SHISA5: variants seen among roughly 807,000 people sequenced by gnomAD.
SHISA5 encodes the protein protein shisa-5.
A neutral mutation model predicts 27.5 loss-of-function variants in SHISA5; 21 were observed. The observed-to-expected ratio is 0.76, with a 90% CI of 0.54 to 1.10. The LOEUF (loss-of-function observed/expected upper bound fraction) is 1.10. Ranked by LOEUF, SHISA5 falls within the 50% of genes least tolerant of loss-of-function variation. The pLI is 0.00. For synonymous variants in SHISA5, 137 were observed against 142.2 expected (o/e 0.96, Z 0.26); for missense variants, 314 against 336.3 (o/e 0.93, Z 0.52).
intron 3 of SHISA5, among the ~76,000 whole-genome samples, chr3:48,476,537 A>C (rs1235450761): frequency 1.3e-5 from 2 of 152,110 alleles, no homozygotes; most frequent in Non-Finnish European, 2.9e-5. Context: ...GGCCCTCAAC[A>C]TGGAGCCAAC....
At chr3:48,482,365 A>C (rs914006957) in intron 2 of SHISA5, among the ~76,000 whole-genome samples, 1 of 152,028 alleles carries the variant, frequency 6.6e-6, no homozygotes, top group Non-Finnish European at 1.5e-5. Flanking sequence ...TGATCACGCC[A>C]CTGCACTCCA....
rs899610423 is a variant in SHISA5 at position 48,470,548 on chromosome 3, C to G, written c.315-705G>C. ...TTCCACAGGTGAGAGGGCCAAGAGC[C>G]AAGGGGAGGACACAGAGGCCTGGAG... On this transcript the variant is annotated intron_variant, in intron 3 of 5. Transcript: ENST00000296444. The surrounding 1 kb of genome is among the most constrained non-coding windows in gnomAD (Gnocchi z 4.3). Among the ~76,000 whole-genome samples the G allele has an allele frequency of 3.9e-5, 6 of 152,320 alleles. No individual in the cohort carries two copies. Among genetic ancestry groups the G allele is most frequent in the Admixed American group, 3.3e-4 (5 of 15,306 alleles).
intron 2 of SHISA5, among the ~76,000 whole-genome samples, chr3:48,492,901 C>T (rs1170793930): frequency 6.8e-6 from 1 of 147,354 alleles, no homozygotes; most frequent in East Asian, 1.9e-4. Context: ...AGGAAGAAGG[C>T]CCTCACCAGG....
chr3:48,477,060 C>T (rs1560122316), intron 3 of SHISA5: 2 of 452,688 alleles, frequency 4.4e-6, no homozygotes, highest in African/African-American at 2.0e-5. Flanking sequence ...GCTTGTTCCG[C>T]ACTGTCTCCT....
intron 2 of SHISA5, among the ~76,000 whole-genome samples, chr3:48,500,486 T>C (rs1179971533): frequency 6.6e-6 from 1 of 152,066 alleles, no homozygotes; most frequent in Non-Finnish European, 1.5e-5. Flanking sequence ...TAGCGGGGGT[T>C]GGTCTTGCCC....
At chr3:48,491,620 T>G (rs1450654978) in intron 2 of SHISA5, among the ~76,000 whole-genome samples, 2 of 152,026 alleles carry the variant, frequency 1.3e-5, no homozygotes, top group Non-Finnish European at 2.9e-5. Context: ...ACAGCACCTA[T>G]CACTTCCTGC....
At chr3:48,493,677 G>A (rs1192956365) in intron 2 of SHISA5, among the ~76,000 whole-genome samples, 3 of 144,368 alleles carry the variant, frequency 2.1e-5, no homozygotes, top group Non-Finnish European at 3.0e-5. Context: ...GATTACAGGT[G>A]TGTGCCACCA....
chr3:48,503,417 C>A (rs1484404420), intron 1 of SHISA5, among the ~76,000 whole-genome samples: 1 of 152,224 alleles, frequency 6.6e-6, no homozygotes, highest in Admixed American at 6.5e-5. Flanking sequence ...CCACCCACCC[C>A]AAAAGGGTCT....
intron 2 of SHISA5, among the ~76,000 whole-genome samples, chr3:48,481,672 C>T (rs900971068): frequency 1.2e-4 from 18 of 150,432 alleles, no homozygotes; most frequent in Admixed American, 8.0e-4. Context: ...GCCTGTAATC[C>T]GCTACTCGGG....
At chr3:48,491,127 CT>C (rs1053900270) in intron 2 of SHISA5, among the ~76,000 whole-genome samples, 1 of 110,908 alleles carries the variant, frequency 9.0e-6, no homozygotes, top group Non-Finnish European at 1.7e-5. Context: ...TGTATTTCTT[CT>C]TTTTTTTTGA....
At chr3:48,495,155 AT>A (rs1489030003) in intron 2 of SHISA5, among the ~76,000 whole-genome samples, 2 of 146,196 alleles carry the variant, frequency 1.4e-5, no homozygotes, top group Non-Finnish European at 2.9e-5. Flanking sequence ...TTTGAAGAGG[AT>A]GTAGAGCAAA....
intron 2 of SHISA5, among the ~76,000 whole-genome samples, chr3:48,493,523 CTTTTTT>C (rs1195281041): frequency 2.6e-4 from 13 of 50,448 alleles, no homozygotes; most frequent in African/African-American, 1.4e-3. Flanking sequence ...ATGATCTATT[CTTTTTT>C]TTTTTTTTTT....
At chr3:48,472,901 A>T in intron 3 of SHISA5, 1 of 1,117,610 alleles carries the variant, frequency 8.9e-7, no homozygotes, top group Non-Finnish European at 1.3e-6. Context: ...AAACGCACAC[A>T]CATTCACACG....
intron 2 of SHISA5, among the ~76,000 whole-genome samples, chr3:48,489,276 T>C (rs1327853951): frequency 6.6e-6 from 1 of 151,580 alleles, no homozygotes; most frequent in Non-Finnish European, 1.5e-5. Context: ...TCTTCCAAAG[T>C]GGCCCAGAGA....
At chr3:48,498,306 G>T (rs776223872) in intron 2 of SHISA5, among the ~76,000 whole-genome samples, 11 of 152,214 alleles carry the variant, frequency 7.2e-5, no homozygotes, top group Admixed American at 6.6e-5. Flanking sequence ...ACAAGACACA[G>T]ATGTCTGCTT....
rs1044652663 is a variant in SHISA5 at position 48,468,483 on chromosome 3, G to T, written c.*624C>A. On this transcript the variant is annotated 3_prime_UTR_variant, in exon 6 of 6. Coordinates refer to ENST00000296444, the MANE Select transcript of SHISA5 (RefSeq NM_016479.6). ...GTAGGGCTCTGCCTGAGGTGTTCTGGCATCAGGAGGCTGCCTGATCCCCAA... is the reference window on the plus strand; with the variant it reads ...GTAGGGCTCTGCCTGAGGTGTTCTGTCATCAGGAGGCTGCCTGATCCCCAA... 10 of 1,180,850 alleles carry T rather than the reference G, an allele frequency of 8.5e-6. No homozygotes were observed. Among genetic ancestry groups the T allele is most frequent in the Non-Finnish European group, 1.1e-5 (10 of 939,448 alleles). The allele number at this position is 1,180,850 out of a possible 1,614,324, so 73.1% of individuals were successfully genotyped here.
intron 2 of SHISA5, among the ~76,000 whole-genome samples, chr3:48,497,989 A>C (rs942508973): frequency 1.3e-5 from 2 of 152,198 alleles, no homozygotes; most frequent in Non-Finnish European, 2.9e-5. Flanking sequence ...GAGACAGTAG[A>C]ATGGAAGCTT....
intron 2 of SHISA5, among the ~76,000 whole-genome samples, chr3:48,499,419 C>G (rs978538499): frequency 2.0e-5 from 3 of 152,030 alleles, no homozygotes; most frequent in Non-Finnish European, 4.4e-5. Context: ...TGGCTCATGC[C>G]TGTTATCCCA....
At chr3:48,494,777 C>T (rs904841396) in intron 2 of SHISA5, among the ~76,000 whole-genome samples, 1,762 of 147,280 alleles carry the variant, frequency 0.012, 341 homozygotes, top group African/African-American at 0.045. Context: ...TGGATATATA[C>T]GCAGTGATGG....
Sources: gnomAD v4.1 joint callset for allele counts (sites outside exome capture counted in the v4.1 genomes callset) on GRCh38, gnomAD v4.1.1 for gene constraint, Gnocchi (gnomAD v3.1) non-coding constraint, MANE v1.5 for transcripts, NCBI Gene and HGNC (gene_info 2026-07-23, HGNC 2026-07-21) for gene names.